The following COL4A3 variants were observed in gnomAD, a reference collection of about 807,000 sequenced individuals.
The protein encoded by COL4A3 is collagen type IV alpha 3 chain, also known as collagen alpha-3(IV) chain.
COL4A3 carries 135 observed loss-of-function variants against 217.4 expected under a neutral mutation model. That is an observed-to-expected ratio of 0.62 (90% confidence interval 0.54 to 0.72). COL4A3 has a LOEUF of 0.72. Ranked by LOEUF, COL4A3 falls within the 30% of genes least tolerant of loss-of-function variation. COL4A3 has a pLI of 0.00. For missense variants in COL4A3, 1,868 were observed against 2,119.9 expected (o/e 0.88, Z 2.33); for synonymous variants, 690 against 736.3 (o/e 0.94, Z 1.02).
intron 1 of COL4A3, among the ~76,000 whole-genome samples, chr2:227,226,213 A>T (rs527266120): frequency 6.6e-6 from 1 of 152,134 alleles, no homozygotes; most frequent in Non-Finnish European, 1.5e-5. Flanking sequence ...TTTAAGACAC[A>T]TTTATTTTAT....
At chr2:227,215,710 C>A (rs1036743905) in intron 1 of COL4A3, among the ~76,000 whole-genome samples, 3 of 152,126 alleles carry the variant, frequency 2.0e-5, no homozygotes, top group Non-Finnish European at 4.4e-5. Context: ...CCACCCGCCT[C>A]GGCCTCCCAA....
rs2125996537 is a variant in COL4A3, at chr2:227,273,071, G to A, written c.1881G>A (p.Gln627=). ...GYGPQGEPGL[Q]GTQGVPGAPG... ...GACCCCAAGGAGAACCTGGTCTCCA[G>A]GGCACGCAAGGAGTTCCTGGAGCCC... The change falls in exon 26 of 52, where the codon CAG becomes CAA. Residue 627 remains glutamine (Q), a synonymous_variant. Transcript: ENST00000396578. 1.2e-6 allele frequency: 2 copies of A among 1,614,088 alleles called. No homozygotes were observed. The highest frequency in any genetic ancestry group is 1.7e-6 in the Non-Finnish European group (2 of 1,180,026).
intron 1 of COL4A3, among the ~76,000 whole-genome samples, chr2:227,205,678 C>A (rs1574566811): frequency 6.6e-6 from 1 of 151,644 alleles, no homozygotes; most frequent in Non-Finnish European, 1.5e-5. Context: ...ATGCTTAAAA[C>A]CCATATGACT....
At position 227,253,375 on chromosome 2, in the gene COL4A3, T is replaced by C; in HGVS notation, c.687+38T>C. On this transcript the variant is annotated intron_variant, in intron 12 of 51. Transcript: ENST00000396578. This position sits in a 1 kb window ranked among gnomAD's most constrained non-coding sequence, Gnocchi z 4.4. ...CTATGTTTTATTAGCAGGCGAGATATTTTATGTCCCAGAGCATATCAGCCT... is the reference window on the plus strand; with the variant it reads ...CTATGTTTTATTAGCAGGCGAGATACTTTATGTCCCAGAGCATATCAGCCT... The C allele has an allele frequency of 6.2e-7, 1 of 1,601,188 alleles. No homozygotes were observed.
At chr2:227,200,620 C>A (rs1469277679) in intron 1 of COL4A3, among the ~76,000 whole-genome samples, 1 of 152,220 alleles carries the variant, frequency 6.6e-6, no homozygotes, top group East Asian at 1.9e-4. Flanking sequence ...CAAAGCCATT[C>A]ATAGCTGACT....
In COL4A3 at chr2:227,203,577, GTATATA is replaced by G. The variant is rs574904111; in HGVS notation, c.88-34389_88-34384del. ...TATGTGTATATATACATATATGTGT[GTATATA>G]TGTGTATATATACATATATGTGTGT... On this transcript the variant is annotated intron_variant, in intron 1 of 51. Coordinates refer to ENST00000396578, the MANE Select transcript of COL4A3 (RefSeq NM_000091.5). Among the ~76,000 whole-genome samples, 10 of 4,696 alleles carry G rather than the reference GTATATA, an allele frequency of 2.1e-3. 5 individuals carry two copies. The highest frequency in any genetic ancestry group is 0.014 in the African/African-American group (10 of 706). 3.1% of individuals were successfully genotyped at this position (4,696 alleles called of 152,430 possible). A position where few individuals can be genotyped will look rare whatever the true frequency, so the allele number is the denominator to read the frequency against.
At position 227,280,988 on chromosome 2, in the gene COL4A3, G is replaced by A; in HGVS notation, c.2470G>A (p.Gly824Arg). ...RGAQGLPGLN[G>R]LKGQQGRRGK... The stretch of plus-strand genomic sequence containing the variant: ...AGCCCAAGGACTTCCAGGCTTAAAT[G>A]GATTGAAAGGGCAACAAGGTAGGAG... Residue 824 changes from glycine (G) to arginine (R), a missense_variant, in exon 31 of 52, where the codon GGA (glycine) becomes AGA (arginine). Around this residue, in one of 2 missense-constraint regions of COL4A3, gnomAD observed 1,503 missense variants for 1,786.1 expected, o/e 0.84. Coordinates refer to ENST00000396578, the MANE Select transcript of COL4A3 (RefSeq NM_000091.5). The A allele has an allele frequency of 6.4e-7, 1 of 1,562,050 alleles. No homozygotes were observed. Among genetic ancestry groups the A allele is most frequent in the Non-Finnish European group, 8.7e-7 (1 of 1,152,434 alleles).
At chr2:227,251,419 C>T in intron 11 of COL4A3, 48 bp downstream of exon 11, 1 of 1,579,772 alleles carries the variant, frequency 6.3e-7, no homozygotes, top group Non-Finnish European at 8.7e-7. Context: ...CCTACTCAAT[C>T]TCAAAGCCAA....
chr2:227,272,615 T>C (rs948816574), intron 25 of COL4A3, among the ~76,000 whole-genome samples: 2 of 152,230 alleles, frequency 1.3e-5, no homozygotes, highest in African/African-American at 4.8e-5. Flanking sequence ...TGTAACATTA[T>C]CATGAATATC....
intron 35 of COL4A3, 52 bp from the exon 36 acceptor site, chr2:227,289,947 C>CATACTA: frequency 1.3e-6 from 2 of 1,535,864 alleles, no homozygotes; most frequent in South Asian, 2.3e-5. Context: ...TTATTAAACA[C>CATACTA]ATACTATGTC....
chr2:227,188,973 G>C (rs528380837), intron 1 of COL4A3, among the ~76,000 whole-genome samples: 88 of 152,286 alleles, frequency 5.8e-4, no homozygotes, highest in African/African-American at 2.1e-3. Flanking sequence ...AAGGGTGTCA[G>C]AAAACCCTTC....
chr2:227,295,231 T>C (rs1269288247), intron 40 of COL4A3, 38 bp from the exon 41 acceptor site: 5 of 1,605,818 alleles, frequency 3.1e-6, no homozygotes, highest in Admixed American at 1.7e-5. Flanking sequence ...TGTAATGAAA[T>C]TGACCAATTA....
At position 227,290,788 on chromosome 2, in the gene COL4A3, G is replaced by A. The variant is rs766203944; in HGVS notation, c.3112G>A (p.Ala1038Thr). Reference protein sequence around the residue: ...KRGTLGFPGRAGRPGLPGIHG... With the variant: ...KRGTLGFPGRTGRPGLPGIHG... ...GGGAACTTTGGGATTCCCAGGTCGA[G>A]CAGGAAGACCAGGCCTCCCAGGTAT... Residue 1038 changes from alanine to threonine, a missense_variant, in exon 37 of 52, where the codon GCA (alanine) becomes ACA (threonine). Ala to Thr is a moderately conservative substitution (Grantham distance 58). Around this residue, in one of 2 missense-constraint regions of COL4A3, gnomAD observed 1,503 missense variants for 1,786.1 expected, o/e 0.84. Coordinates refer to ENST00000396578, the MANE Select transcript of COL4A3 (RefSeq NM_000091.5). 4 of 1,613,634 alleles carry A rather than the reference G, an allele frequency of 2.5e-6. No homozygotes were observed. The highest frequency in any genetic ancestry group is 3.4e-6 in the Non-Finnish European group (4 of 1,179,946).
chr2:227,270,649 A>G (rs2071178839), intron 24 of COL4A3, 121 bp from the exon 25 acceptor site: 2 of 944,692 alleles, frequency 2.1e-6, no homozygotes, highest in East Asian at 2.6e-5. Context: ...GTTGTGGACC[A>G]AAGAGTGTGT....
At chr2:227,192,947 C>T (rs2066301717) in intron 1 of COL4A3, among the ~76,000 whole-genome samples, 1 of 151,288 alleles carries the variant, frequency 6.6e-6, no homozygotes, top group Admixed American at 6.6e-5. Flanking sequence ...AATATAAGCC[C>T]AAATATTTTA....
intron 9 of COL4A3, among the ~76,000 whole-genome samples, chr2:227,249,214 A>ATG (rs2069556062): frequency 3.4e-5 from 1 of 29,220 alleles, no homozygotes; most frequent in Non-Finnish European, 7.4e-5. Context: ...ATTAGCTAGT[A>ATG]TATATATATA....
intron 1 of COL4A3, among the ~76,000 whole-genome samples, chr2:227,182,523 T>A (rs1052698826): frequency 6.6e-5 from 10 of 152,236 alleles, no homozygotes; most frequent in Non-Finnish European, 1.0e-4. Context: ...GAATAAAATC[T>A]ATTAGATTTT....
intron 37 of COL4A3, among the ~76,000 whole-genome samples, chr2:227,291,580 CAAAAAAAAAAAACAAAA>C (rs1242409390): frequency 2.5e-4 from 8 of 31,642 alleles, no homozygotes; most frequent in Admixed American, 1.1e-3. Flanking sequence ...AAAAAAAAAA[CAAAAAAAAAAAACAAAA>C]AAAAAAACAC....
At chr2:227,222,169 A>AATAATAATAATG (rs1332991175) in intron 1 of COL4A3, among the ~76,000 whole-genome samples, 1 of 71,080 alleles carries the variant, frequency 1.4e-5, no homozygotes, top group African/African-American at 4.7e-5. Flanking sequence ...TAATAATGAT[A>AATAATAATAATG]ATGATAATAA....
Sources: gnomAD v4.1 joint callset for allele counts (sites outside exome capture counted in the v4.1 genomes callset) on GRCh38, gnomAD v4.1.1 for gene constraint, gnomAD v4.1.1 regional missense constraint, Gnocchi (gnomAD v3.1) non-coding constraint, MANE v1.5 for transcripts, NCBI Gene and HGNC (gene_info 2026-07-23, HGNC 2026-07-21) for gene names.